The following SMPDL3B variants were observed in gnomAD, a reference collection of about 807,000 sequenced individuals.
SMPDL3B encodes the protein acid sphingomyelinase-like phosphodiesterase 3b.
In SMPDL3B, 31 loss-of-function variants were observed where a neutral mutation model predicts 37.9. The ratio of observed to expected loss-of-function variants is 0.82; its 90% CI spans 0.61 to 1.10. The LOEUF (loss-of-function observed/expected upper bound fraction) is 1.10. Ranked by LOEUF, SMPDL3B falls within the 50% of genes least tolerant of loss-of-function variation. The pLI is 0.00. For synonymous variants in SMPDL3B, 235 were observed against 242.6 expected (o/e 0.97, Z 0.29); for missense variants, 525 against 597.8 (o/e 0.88, Z 1.27).
chr1:27,954,664 C>T (rs2090483907), intron 5 of SMPDL3B, 138 bp downstream of exon 5: 1 of 744,396 alleles, frequency 1.3e-6, no homozygotes, highest in African/African-American at 1.8e-5. Flanking sequence ...CAGCAGAGGG[C>T]TTCCTCCATC....
chr1:27,935,274 T>C (rs779395001), intron 1 of SMPDL3B, 30 bp downstream of exon 1: 32 of 1,565,890 alleles, frequency 2.0e-5, no homozygotes, highest in Non-Finnish European at 8.8e-7. Context: ...TGCTATGCCT[T>C]TGTTTTGTAC....
In SMPDL3B at chr1:27,958,326, C is replaced by A; in HGVS notation, c.1006-150C>A. Reference sequence around the variant, plus strand: ...CCTCATTCGATTCAGAGGATGTCTGCCAAGCACAATGGGTGCACAGCTAAG... The same window carrying A: ...CCTCATTCGATTCAGAGGATGTCTGACAAGCACAATGGGTGCACAGCTAAG... On this transcript the variant is annotated intron_variant, in intron 7 of 7. Coordinates refer to ENST00000373894, the MANE Select transcript of SMPDL3B (RefSeq NM_014474.4). This position sits in a 1 kb window ranked among gnomAD's most constrained non-coding sequence, Gnocchi z 5.6. 1 of 1,080,780 alleles carries A rather than the reference C, an allele frequency of 9.3e-7. No homozygotes were observed. 66.9% of individuals were successfully genotyped at this position (1,080,780 alleles called of 1,614,324 possible).
At chr1:27,942,417 G>A in intron 1 of SMPDL3B, 2 of 459,200 alleles carry the variant, frequency 4.4e-6, no homozygotes, top group Non-Finnish European at 9.0e-6. Flanking sequence ...CAGCAACTCT[G>A]CCCACCAACT....
intron 1 of SMPDL3B, among the ~76,000 whole-genome samples, chr1:27,944,062 C>T (rs1020271816): frequency 3.3e-5 from 5 of 150,694 alleles, no homozygotes; most frequent in African/African-American, 9.8e-5. Flanking sequence ...GTGTTGGGTT[C>T]GCATGAGAAG....
At chr1:27,953,416 C>G (rs915399394) in intron 4 of SMPDL3B, 58 bp downstream of exon 4, 2 of 1,430,932 alleles carry the variant, frequency 1.4e-6, no homozygotes, top group African/African-American at 2.9e-5. Flanking sequence ...GTCTGATCTT[C>G]GTCTTCACAA....
intron 1 of SMPDL3B, among the ~76,000 whole-genome samples, chr1:27,940,337 G>A (rs1301869260): frequency 2.6e-5 from 4 of 152,194 alleles, no homozygotes. Context: ...GGGGCTGGCT[G>A]GGTAGAACGT....
intron 1 of SMPDL3B, among the ~76,000 whole-genome samples, chr1:27,939,377 G>T (rs2090337194): frequency 6.6e-6 from 1 of 152,168 alleles, no homozygotes; most frequent in Admixed American, 6.5e-5. Flanking sequence ...TGGAGACAGG[G>T]TCTCTATCTG....
intron 7 of SMPDL3B, 35 bp downstream of exon 7, chr1:27,956,117 G>T (rs778505174): frequency 6.2e-7 from 1 of 1,613,952 alleles, no homozygotes; most frequent in Non-Finnish European, 8.5e-7. Context: ...GGAGGAGGGT[G>T]GGAGGGGCTT....
Position 27,945,762 on chromosome 1 carries a change from G to A in SMPDL3B, c.275+317G>A, listed in dbSNP as rs1254723263. Among the ~76,000 whole-genome samples, 1 of 152,134 alleles carries A rather than the reference G, an allele frequency of 6.6e-6. No individual in the cohort carries two copies. Among genetic ancestry groups the A allele is most frequent in the Admixed American group, 6.5e-5 (1 of 15,270 alleles). ...TTTTAAGCTATGGGTGGACACTGGA[G>A]CCATTTCCCCTGGGGCTTAGGGACT... On this transcript the variant is annotated intron_variant, in intron 2 of 7. Transcript: ENST00000373894. The surrounding 1 kb of genome is among the most constrained non-coding windows in gnomAD (Gnocchi z 4.0).
At position 27,945,102 on chromosome 1, in the gene SMPDL3B, CG is replaced by C. The variant is rs1421701858; in HGVS notation, c.62-126del. 8 of 777,100 alleles carry C rather than the reference CG, an allele frequency of 1.0e-5. No individual in the cohort carries two copies. The East Asian group carries it at 2.1e-4, about 21-fold the overall frequency. The allele number at this position is 777,100 out of a possible 1,614,324, so 48.1% of individuals were successfully genotyped here. ...GGCCTGTGGGCCTTTTCTCTGAACC[CG>C]GGGTGCTCAGAGAAGACTTCCATTT... On this transcript the variant is annotated intron_variant, in intron 1 of 7. Transcript: ENST00000373894. This position sits in a 1 kb window ranked among gnomAD's most constrained non-coding sequence, Gnocchi z 4.0.
intron 4 of SMPDL3B, among the ~76,000 whole-genome samples, chr1:27,953,919 C>T (rs1488937402): frequency 1.3e-5 from 2 of 152,224 alleles, no homozygotes; most frequent in Non-Finnish European, 2.9e-5. Context: ...CCCTACTCTT[C>T]CCTTTCCTCG....
At position 27,954,450 on chromosome 1, in the gene SMPDL3B, C is replaced by T. The variant is rs954241823; in HGVS notation, c.614C>T (p.Ala205Val). 4 of 1,614,130 alleles carry T rather than the reference C, an allele frequency of 2.5e-6. No individual in the cohort carries two copies. Among genetic ancestry groups the T allele is most frequent in the Non-Finnish European group, 3.4e-6 (4 of 1,180,026 alleles). The change falls in exon 5 of 8, where the codon GCA (alanine) becomes GTA (valine). Residue 205 changes from alanine (A) to valine (V), a missense_variant. Ala to Val is a moderately conservative substitution (Grantham distance 64). Transcript: ENST00000373894. ...TACTATACCAGCAATGCGCTGACAG[C>T]AGACATGGCGGACCCTGGCCAGCAG... ...NLYYTSNALT[A>V]DMADPGQQFQ...
Position 27,945,087 on chromosome 1 carries a change from C to G in SMPDL3B, c.62-145C>G, listed in dbSNP as rs980308857. On this transcript the variant is annotated intron_variant, in intron 1 of 7. Coordinates refer to ENST00000373894, the MANE Select transcript of SMPDL3B (RefSeq NM_014474.4). The surrounding 1 kb of genome is among the most constrained non-coding windows in gnomAD (Gnocchi z 4.0). ...CCCTGGGCAGAGCCAGGCCTGTGGGCCTTTTCTCTGAACCCGGGGTGCTCA... is the reference window on the plus strand; with the variant it reads ...CCCTGGGCAGAGCCAGGCCTGTGGGGCTTTTCTCTGAACCCGGGGTGCTCA... 16 of 694,382 alleles carry G rather than the reference C, an allele frequency of 2.3e-5. No individual in the cohort carries two copies. The African/African-American group carries it at 2.8e-4, about 12-fold the overall frequency. 43.0% of individuals were successfully genotyped at this position (694,382 alleles called of 1,614,324 possible).
intron 7 of SMPDL3B, among the ~76,000 whole-genome samples, chr1:27,957,061 T>C (rs1312250331): frequency 6.6e-6 from 1 of 152,028 alleles, no homozygotes; most frequent in Non-Finnish European, 1.5e-5. Flanking sequence ...GGAGGTCCGA[T>C]CTTGCAGGCC....
intron 1 of SMPDL3B, among the ~76,000 whole-genome samples, chr1:27,942,533 C>T (rs1481008247): frequency 6.6e-6 from 1 of 152,220 alleles, no homozygotes; most frequent in Non-Finnish European, 1.5e-5. Context: ...GGCAGGAGTG[C>T]AGTGGTGCAA....
chr1:27,958,809 C>G lies in SMPDL3B; in HGVS notation c.1339C>G (p.Leu447Val). Reference protein sequence around the residue: ...VPQLPLLLMALLGLCTLVL With the variant: ...VPQLPLLLMAVLGLCTLVL ...CCAGCTCCCGCTGCTGCTGATGGCC[C>G]TGCTGGGCCTGTGCACGCTCGTGCT... is the stretch of plus-strand genomic sequence containing the variant. Residue 447 changes from leucine to valine, a missense_variant, in exon 8 of 8, where the codon CTG (leucine) becomes GTG (valine). Transcript: ENST00000373894. This position sits in a 1 kb window ranked among gnomAD's most constrained non-coding sequence, Gnocchi z 5.6. The G allele has an allele frequency of 6.2e-7, 1 of 1,604,534 alleles. No individual in the cohort carries two copies. Among genetic ancestry groups the G allele is most frequent in the Non-Finnish European group, 8.5e-7 (1 of 1,174,098 alleles).
At chr1:27,948,876 C>A in intron 2 of SMPDL3B, 189 bp from the exon 3 acceptor site, 1 of 1,041,604 alleles carries the variant, frequency 9.6e-7, no homozygotes, top group Non-Finnish European at 1.4e-6. Flanking sequence ...GGACCCACAG[C>A]AGGAAAATGG....
chr1:27,955,727 C>G lies in SMPDL3B; in HGVS notation c.734C>G (p.Thr245Arg). ...GTGCCCCCGGGGTTCTTTGAGAAGA[C>G]GCAAAACAAGGCATGGTTCCGGGAG... The part of the protein sequence containing the change: ...GHVPPGFFEK[T>R]QNKAWFREGF... Residue 245 changes from threonine to arginine, a missense_variant, in exon 6 of 8, where the codon ACG becomes AGG. Transcript: ENST00000373894. The G allele has an allele frequency of 6.2e-7, 1 of 1,614,044 alleles. No homozygotes were observed. Among genetic ancestry groups the G allele is most frequent in the Non-Finnish European group, 8.5e-7 (1 of 1,180,004 alleles).
chr1:27,941,307 A>G (rs886450958), intron 1 of SMPDL3B, among the ~76,000 whole-genome samples: 1 of 152,210 alleles, frequency 6.6e-6, no homozygotes, highest in Non-Finnish European at 1.5e-5. Flanking sequence ...TGCAGTGGGC[A>G]TAAGAATCCC....
Sources: gnomAD v4.1 joint callset for allele counts (sites outside exome capture counted in the v4.1 genomes callset) on GRCh38, gnomAD v4.1.1 for gene constraint, Gnocchi (gnomAD v3.1) non-coding constraint, MANE v1.5 for transcripts, NCBI Gene and HGNC (gene_info 2026-07-23, HGNC 2026-07-21) for gene names.